COASY: variants seen among roughly 807,000 people sequenced by gnomAD.
COASY encodes bifunctional coenzyme A synthase.
COASY carries 31 observed loss-of-function variants against 49.4 expected under a neutral mutation model. The ratio of observed to expected loss-of-function variants is 0.63; its 90% CI spans 0.47 to 0.85. COASY has a LOEUF of 0.85. COASY is among the 40% of genes least tolerant of loss of function. The probability of loss-of-function intolerance (pLI) is 0.00; values close to 1 mark genes in which losing one functional copy is unlikely to be tolerated. For synonymous variants in COASY, 285 were observed against 310.9 expected (o/e 0.92, Z 0.88); for missense variants, 730 against 734.1 (o/e 0.99, Z 0.06).
Position 42,564,124 on chromosome 17 carries a change from C to G in COASY, c.864C>G (p.Ser288Arg), listed in dbSNP as rs370902320. The change falls in exon 2 of 9, where the codon AGC becomes AGG. Residue 288 changes from serine (S) to arginine (R), a missense_variant. Coordinates refer to ENST00000393818, the MANE Select transcript of COASY (RefSeq NM_025233.7). ...CCTCCCTGGAGTTCCTGGTGGTCAG[C>G]GAGGAGACCTATCGTGGGGGGATGG... is the stretch of plus-strand genomic sequence containing the variant. ...SDPSLEFLVV[S>R]EETYRGGMAI... is the part of the protein sequence containing the mutation. 5.0e-6 allele frequency: 8 copies of G among 1,613,956 alleles called. No homozygotes were observed. The African/African-American group carries it at 8.0e-5, about 16-fold the overall frequency.
rs370580318 is a variant in COASY, at chr17:42,564,692, C to G, written c.1048-17C>G. 1.3e-6 allele frequency: 2 copies of G among 1,527,162 alleles called. No homozygotes were observed. Among genetic ancestry groups the G allele is most frequent in the Non-Finnish European group, 1.8e-6 (2 of 1,141,304 alleles). 94.6% of individuals were successfully genotyped at this position (1,527,162 alleles called of 1,614,324 possible). ...GAGGGCCCCAGTAACTGTGGGTTCC[C>G]TTTCACCTATCCCCAGGAAAGGCCA... is the stretch of plus-strand genomic sequence containing the variant. On this transcript the variant is annotated splice_polypyrimidine_tract_variant and intron_variant, in intron 3 of 8. Coordinates refer to ENST00000393818, the MANE Select transcript of COASY (RefSeq NM_025233.7).
chr17:42,562,426 G>A lies in COASY; in HGVS notation c.-197G>A. ...CCGTCTGAGAAATGAGGACACCAAG[G>A]CTTAGAGCACAGCCCCGAGGCGCCG... On this transcript the variant is annotated 5_prime_UTR_variant, in exon 1 of 9. Transcript: ENST00000393818. 1 of 1,613,880 alleles carries A rather than the reference G, an allele frequency of 6.2e-7. No homozygotes were observed. The highest frequency in any genetic ancestry group is 1.1e-5 in the South Asian group (1 of 91,082).
Position 42,562,997 on chromosome 17 carries a change from G to C in COASY, c.375G>C (p.Gln125His). The change falls in exon 1 of 9, where the codon CAG becomes CAC. Residue 125 changes from glutamine (Q) to histidine (H), a missense_variant. Gln to His is a conservative substitution (Grantham distance 24). Transcript: ENST00000393818. ...ATTTCCAGACCCTGGATGGAAGCCA[G>C]TACAACCCGGTCAAACAGCAGCTAG... ...LTDFQTLDGS[Q>H]YNPVKQQLVR... is the part of the protein sequence containing the mutation. 6.2e-7 allele frequency: 1 copy of C among 1,614,168 alleles called. No homozygotes were observed. The highest frequency in any genetic ancestry group is 8.5e-7 in the Non-Finnish European group (1 of 1,180,038).
rs760947875 is a variant in COASY, at chr17:42,564,175, T to C, written c.915T>C (p.Asn305=). The change falls in exon 2 of 9, where the codon AAT becomes AAC. Residue 305 remains asparagine, a splice_region_variant and synonymous_variant. Transcript: ENST00000393818. ...GMAINRFRLE[N]DLEELALYQI... ...CCATCAACCGCTTCCGCCTTGAGAATGTAACCCCTGAGGGAGACTGGCAGA... is the reference window on the plus strand; with the variant it reads ...CCATCAACCGCTTCCGCCTTGAGAACGTAACCCCTGAGGGAGACTGGCAGA... The C allele has an allele frequency of 2.5e-6, 4 of 1,613,606 alleles. No individual in the cohort carries two copies. Among genetic ancestry groups the C allele is most frequent in the African/African-American group, 2.7e-5 (2 of 74,958 alleles).
At position 42,563,134 on chromosome 17, in the gene COASY, C is replaced by G. The variant is rs763581665; in HGVS notation, c.512C>G (p.Pro171Arg). 1 of 1,613,906 alleles carries G rather than the reference C, an allele frequency of 6.2e-7. No individual in the cohort carries two copies. The highest frequency in any genetic ancestry group is 2.2e-5 in the East Asian group (1 of 44,880). ...GTGGAGCCCCTGGATGTCCCCTTAC[C>G]CTCCACGATCAGGCCAGCTTCCCCC... The part of the protein sequence containing the change: ...VPVEPLDVPL[P>R]STIRPASPVA... Residue 171 changes from proline to arginine, a missense_variant, in exon 1 of 9, where the codon CCC (proline) becomes CGC (arginine). By Grantham distance (103) the Pro-to-Arg change is moderately radical. Coordinates refer to ENST00000393818, the MANE Select transcript of COASY (RefSeq NM_025233.7).
chr17:42,565,083 A>G, intron 5 of COASY, 36 bp downstream of exon 5: 1 of 1,609,544 alleles, frequency 6.2e-7, no homozygotes, highest in Non-Finnish European at 8.5e-7. Context: ...CTAAGCCGCT[A>G]CTAGACCCAG....
At position 42,562,702 on chromosome 17, in the gene COASY, C is replaced by T. The variant is rs144615655; in HGVS notation, c.80C>T (p.Thr27Ile). ...SLAPRLASIL[T>I]SAARLVNHTL... ...GCCCCTCGCCTGGCCTCCATCCTGA[C>T]CTCGGCGGCCCGGCTGGTGAATCAC... The change falls in exon 1 of 9, where the codon ACC (threonine) becomes ATC (isoleucine). Residue 27 changes from threonine to isoleucine, a missense_variant. Thr to Ile is a moderately conservative substitution (Grantham distance 89, BLOSUM62 -1). Transcript: ENST00000393818. The T allele has an allele frequency of 3.8e-5, 60 of 1,567,120 alleles. No homozygotes were observed. Among genetic ancestry groups the T allele is most frequent in the Non-Finnish European group, 4.8e-5 (55 of 1,156,428 alleles).
chr17:42,563,783 G>C (rs944740070), intron 1 of COASY, 178 bp from the exon 2 acceptor site: 1 of 597,222 alleles, frequency 1.7e-6, no homozygotes, highest in Non-Finnish European at 3.0e-6. Context: ...AGTGACTATT[G>C]TGCTTGCCTG....
At position 42,565,656 on chromosome 17, in the gene COASY, C is replaced by A; in HGVS notation, c.1486-3C>A. ...TCCTGACAAATGTCTCGTCTGTGCT[C>A]AGGCTGTAAGACGCATTGTGGAGAG... On this transcript the variant is annotated splice_polypyrimidine_tract_variant and splice_region_variant and intron_variant, in intron 7 of 8. Transcript: ENST00000393818. 1 of 1,614,162 alleles carries A rather than the reference C, an allele frequency of 6.2e-7. No homozygotes were observed. The highest frequency in any genetic ancestry group is 8.5e-7 in the Non-Finnish European group (1 of 1,180,028).
chr17:42,565,965 C>T lies in COASY; in HGVS notation c.1692C>T (p.Asp564=). ...KRIPKTHQAL[D] is the part of the protein sequence containing the mutation. ...TTCCCAAGACTCATCAGGCCCTCGA[C>T]TGAAAAGTTCTCAGTGGGGCCAGAC... The change falls in exon 9 of 9, where the codon GAC becomes GAT. Residue 564 remains aspartate, a synonymous_variant. Coordinates refer to ENST00000393818, the MANE Select transcript of COASY (RefSeq NM_025233.7). 5 of 1,613,824 alleles carry T rather than the reference C, an allele frequency of 3.1e-6. No individual in the cohort carries two copies. Among genetic ancestry groups the T allele is most frequent in the Non-Finnish European group, 4.2e-6 (5 of 1,180,030 alleles).
chr17:42,564,586 C>T lies in COASY; in HGVS notation c.1047+9C>T, dbSNP rs752236735. The T allele has an allele frequency of 1.0e-5, 16 of 1,606,138 alleles. No individual in the cohort carries two copies. The highest frequency in any genetic ancestry group is 1.4e-5 in the Non-Finnish European group (16 of 1,175,594). ...TGCTTCGGCCTCCATATGTAAGCTC[C>T]TCTCCCTCCTTCCCTCCTGCTTGGT... On this transcript the variant is annotated intron_variant, in intron 3 of 8. Coordinates refer to ENST00000393818, the MANE Select transcript of COASY (RefSeq NM_025233.7).
rs528640437 is a variant in COASY, at chr17:42,564,452, G to A, written c.922G>A (p.Glu308Lys). 11 of 1,613,996 alleles carry A rather than the reference G, an allele frequency of 6.8e-6. No individual in the cohort carries two copies. In the South Asian group the frequency reaches 1.2e-4, roughly 18 times the overall value. The change falls in exon 3 of 9, where the codon GAG becomes AAG. Residue 308 changes from glutamate to lysine, a missense_variant. Coordinates refer to ENST00000393818, the MANE Select transcript of COASY (RefSeq NM_025233.7). ...CCTTTCCTCTTTACCCCAGGACCTG[G>A]AGGAACTTGCTTTGTACCAGATCCA... is the stretch of plus-strand genomic sequence containing the variant. ...INRFRLENDL[E>K]ELALYQIQLL...
In COASY at chr17:42,562,672, C is replaced by T; in HGVS notation, c.50C>T (p.Ser17Phe). 1 of 1,536,606 alleles carries T rather than the reference C, an allele frequency of 6.5e-7. No individual in the cohort carries two copies. The highest frequency in any genetic ancestry group is 2.3e-5 in the East Asian group (1 of 44,176). ...GLLVLTTPLA[S>F]LAPRLASILT... Reference sequence around the variant, plus strand: ...CTGGTGCTGACGACGCCGCTGGCCTCCCTAGCCCCTCGCCTGGCCTCCATC... The same window carrying T: ...CTGGTGCTGACGACGCCGCTGGCCTTCCTAGCCCCTCGCCTGGCCTCCATC... The change falls in exon 1 of 9, where the codon TCC becomes TTC. Residue 17 changes from serine to phenylalanine, a missense_variant. Ser to Phe is a radical substitution (Grantham distance 155, BLOSUM62 -2). Transcript: ENST00000393818.
chr17:42,562,917 C>T lies in COASY; in HGVS notation c.295C>T (p.Pro99Ser), dbSNP rs1335002251. 1 of 1,612,076 alleles carries T rather than the reference C, an allele frequency of 6.2e-7. No homozygotes were observed. The highest frequency in any genetic ancestry group is 1.3e-5 in the African/African-American group (1 of 75,008). Residue 99 changes from proline (P) to serine (S), a missense_variant, in exon 1 of 9, where the codon CCC becomes TCC. Pro to Ser is a moderately conservative substitution (Grantham distance 74). Coordinates refer to ENST00000393818, the MANE Select transcript of COASY (RefSeq NM_025233.7). Reference protein sequence around the residue: ...NIRTKSTFLPPLPTSVQNLAH... With the variant: ...NIRTKSTFLPSLPTSVQNLAH... The stretch of plus-strand genomic sequence containing the variant: ...CCGAACCAAGAGCACCTTTCTCCCT[C>T]CCCTGCCCACCTCAGTCCAGAATCT...
At position 42,564,130 on chromosome 17, in the gene COASY, G is replaced by T; in HGVS notation, c.870G>T (p.Glu290Asp). ...TGGAGTTCCTGGTGGTCAGCGAGGA[G>T]ACCTATCGTGGGGGGATGGCCATCA... ...PSLEFLVVSE[E>D]TYRGGMAINR... The change falls in exon 2 of 9, where the codon GAG (glutamate) becomes GAT (aspartate). Residue 290 changes from glutamate to aspartate, a missense_variant. Physicochemically the swap from Glu to Asp is conservative, Grantham distance 45 (BLOSUM62 2). Transcript: ENST00000393818. 1 of 1,614,164 alleles carries T rather than the reference G, an allele frequency of 6.2e-7. No individual in the cohort carries two copies.
rs2092988767 is a variant in COASY at position 42,563,746 on chromosome 17, A to C, written c.701-215A>C. ...CTCTGGAGTGGTTTCCTGGTGGCTTATTCTCTGGACACATGCCAGCCCTTG... is the reference window on the plus strand; with the variant it reads ...CTCTGGAGTGGTTTCCTGGTGGCTTCTTCTCTGGACACATGCCAGCCCTTG... On this transcript the variant is annotated intron_variant, in intron 1 of 8. Transcript: ENST00000393818. The C allele has an allele frequency of 5.4e-6, 3 of 555,114 alleles. No homozygotes were observed. The African/African-American group carries it at 5.7e-5, about 10-fold the overall frequency. 34.4% of individuals were successfully genotyped at this position (555,114 alleles called of 1,614,324 possible). A position where few individuals can be genotyped will look rare whatever the true frequency, so the allele number is the denominator to read the frequency against.
chr17:42,566,076 C>A lies in COASY; in HGVS notation c.*108C>A. ...CCTGGTTCAGGCCCAGAGGTCCAAGCTATACTGTGCAGGACATGGCCAGGC... is the reference window on the plus strand; with the variant it reads ...CCTGGTTCAGGCCCAGAGGTCCAAGATATACTGTGCAGGACATGGCCAGGC... On this transcript the variant is annotated 3_prime_UTR_variant, in exon 9 of 9. Coordinates refer to ENST00000393818, the MANE Select transcript of COASY (RefSeq NM_025233.7). 3 of 1,199,036 alleles carry A rather than the reference C, an allele frequency of 2.5e-6. No individual in the cohort carries two copies. The highest frequency in any genetic ancestry group is 2.5e-6 in the Non-Finnish European group (2 of 813,282). The allele number at this position is 1,199,036 out of a possible 1,614,324, so 74.3% of individuals were successfully genotyped here.
rs2092993959 is a variant in COASY at position 42,564,789 on chromosome 17, G to T, written c.1128G>T (p.Gln376His). The T allele has an allele frequency of 6.5e-7, 1 of 1,545,854 alleles. No homozygotes were observed. ...GCTCTGGGAAGAGCTCAATAGCTCA[G>T]CGACTGAAGGGCCTGGGGGCGTTTG... is the stretch of plus-strand genomic sequence containing the variant. Reference protein sequence around the residue: ...ISGSGKSSIAQRLKGLGAFVI... With the variant: ...ISGSGKSSIAHRLKGLGAFVI... The change falls in exon 4 of 9, where the codon CAG becomes CAT. Residue 376 changes from glutamine (Q) to histidine (H), a missense_variant. Physicochemically the swap from Gln to His is conservative, Grantham distance 24. Transcript: ENST00000393818.
chr17:42,564,328 G>A lies in COASY; in HGVS notation c.916-118G>A, dbSNP rs774147266. 2.4e-5 allele frequency: 37 copies of A among 1,517,792 alleles called. 1 individual carries two copies. Among genetic ancestry groups the A allele is most frequent in the Non-Finnish European group, 3.2e-5 (35 of 1,098,532 alleles). The allele number at this position is 1,517,792 out of a possible 1,614,324, so 94.0% of individuals were successfully genotyped here. On this transcript the variant is annotated intron_variant, in intron 2 of 8. Coordinates refer to ENST00000393818, the MANE Select transcript of COASY (RefSeq NM_025233.7). Reference sequence around the variant, plus strand: ...GGAGGAACTGGTTCTCAGTTTGCCCGCTGAGTCGGAGGAGGAGGAGCCTGG... The same window carrying A: ...GGAGGAACTGGTTCTCAGTTTGCCCACTGAGTCGGAGGAGGAGGAGCCTGG...
Sources: allele counts gnomAD v4.1 joint callset, GRCh38; gene constraint gnomAD v4.1.1; transcripts MANE v1.5; gene names NCBI Gene and HGNC (gene_info 2026-07-23, HGNC 2026-07-21).